Variants in MIP observed in about 807,000 individuals in gnomAD.
The protein encoded by MIP is major intrinsic protein of lens fiber, also known as lens fiber major intrinsic protein.
In MIP, 14 loss-of-function variants were observed where a neutral mutation model predicts 21.8. That is an observed-to-expected ratio of 0.64 (90% CI 0.42 to 1.00). MIP has a LOEUF of 1.00. Among genes scored for constraint, MIP ranks in the 50% least tolerant of loss-of-function variants. The probability of loss-of-function intolerance (pLI) is 0.00; values close to 1 mark genes in which losing one functional copy is unlikely to be tolerated. For synonymous variants in MIP, 133 were observed against 141.4 expected, an observed-to-expected ratio of 0.94 and a Z score of 0.42; for missense variants, 260 against 333.5, an observed-to-expected ratio of 0.78 and a Z score of 1.72.
Position 56,451,103 on chromosome 12 carries a change from CA to C in MIP, c.*176del. The stretch of plus-strand genomic sequence containing the variant: ...GTTTGCACCAACCAGCTCATGAATG[CA>C]ACTTGAAAGATTTCACACAGCAAAA... On this transcript the variant is annotated 3_prime_UTR_variant, in exon 4 of 4. Coordinates refer to ENST00000652304, the MANE Select transcript of MIP (RefSeq NM_012064.4). 3.3e-6 allele frequency: 2 copies of C among 603,872 alleles called. No individual in the cohort carries two copies. The highest frequency in any genetic ancestry group is 5.7e-6 in the Non-Finnish European group (2 of 352,570). The allele number at this position is 603,872 out of a possible 1,614,324, so 37.4% of individuals were successfully genotyped here.
At chr12:56,455,242 G>T (rs563412473), upstream of MIP, among the ~76,000 whole-genome samples, 4 of 152,204 alleles carry the variant, frequency 2.6e-5, no homozygotes, top group East Asian at 7.7e-4. Context: ...GTTCTGCTGC[G>T]TCTGGCTTTC....
intron 1 of MIP, 145 bp from the exon 2 acceptor site, chr12:56,453,900 G>A: frequency 1.2e-6 from 1 of 857,176 alleles, no homozygotes; most frequent in Non-Finnish European, 1.9e-6. Flanking sequence ...CATTGTATTT[G>A]CATCTTACCA....
chr12:56,452,831 G>A, intron 3 of MIP: 1 of 560,144 alleles, frequency 1.8e-6, no homozygotes, highest in South Asian at 2.0e-5. Flanking sequence ...AGCAACCAGT[G>A]AATACTCAGT....
intron 1 of MIP, 75 bp downstream of exon 1, chr12:56,454,179 C>A: frequency 6.2e-7 from 1 of 1,600,414 alleles, no homozygotes. Context: ...GCTGATTCAC[C>A]TGCACCAGTC....
At chr12:56,454,213 C>T (rs1267813590) in intron 1 of MIP, 41 bp downstream of exon 1, 5 of 1,613,660 alleles carry the variant, frequency 3.1e-6, no homozygotes, top group African/African-American at 1.3e-5. Context: ...AATAGAGAGA[C>T]AGGACACCAG....
intron 2 of MIP, 50 bp from the exon 3 acceptor site, chr12:56,453,202 T>C (rs1173565623): frequency 7.5e-7 from 1 of 1,339,082 alleles, no homozygotes; most frequent in Admixed American, 1.7e-5. Flanking sequence ...GCACCCCAGC[T>C]TCTCTCCCCA....
chr12:56,456,514 T>C (rs948328451), upstream of MIP, among the ~76,000 whole-genome samples: 4 of 151,828 alleles, frequency 2.6e-5, no homozygotes, highest in African/African-American at 9.7e-5. Context: ...GGTGGGTACC[T>C]GTAATCCCAG....
chr12:56,456,085 A>T (rs1868782642), upstream of MIP, among the ~76,000 whole-genome samples: 1 of 152,186 alleles, frequency 6.6e-6, no homozygotes, highest in African/African-American at 2.4e-5. Context: ...GAAACAGTCC[A>T]CTAGAAGTCA....
Position 56,449,619 on chromosome 12 carries a change from CCTT to C in MIP, c.*1658_*1660del, listed in dbSNP as rs1253950969. ...GAGGTGAATTTACAAACATTCTTCC[CCTT>C]CTTCTAGTCAAGCGGACTATTCCAA... On this transcript the variant is annotated 3_prime_UTR_variant, in exon 4 of 4. Coordinates refer to ENST00000652304, the MANE Select transcript of MIP (RefSeq NM_012064.4). The C allele has an allele frequency of 1.3e-5, 2 of 152,150 alleles. No homozygotes were observed. The highest frequency in any genetic ancestry group is 4.8e-5 in the African/African-American group (2 of 41,424). 9.4% of individuals were successfully genotyped at this position (152,150 alleles called of 1,614,324 possible).
chr12:56,453,127 T>G lies in MIP; in HGVS notation c.551A>C (p.Asn184Thr), dbSNP rs1438043707. Residue 184 changes from asparagine (N) to threonine (T), a missense_variant, in exon 3 of 4, where the codon AAT (asparagine) becomes ACT (threonine). Asn to Thr is a moderately conservative substitution (Grantham distance 65). Coordinates refer to ENST00000652304, the MANE Select transcript of MIP (RefSeq NM_012064.4). ...GGCAGGAGCAAAGGAGCGGGCAGGA[T>G]TCATGCCTGCACCAGTATAATACAT... ...FGMYYTGAGMNPARSFAPAIL... is the reference protein window; with the variant it reads ...FGMYYTGAGMTPARSFAPAIL... The G allele has an allele frequency of 6.2e-7, 1 of 1,613,410 alleles. No homozygotes were observed. Among genetic ancestry groups the G allele is most frequent in the Non-Finnish European group, 8.5e-7 (1 of 1,179,444 alleles).
At position 56,454,449 on chromosome 12, in the gene MIP, C is replaced by A. The variant is rs775138981; in HGVS notation, c.165G>T (p.Leu55=). 1 of 1,614,000 alleles carries A rather than the reference C, an allele frequency of 6.2e-7. No individual in the cohort carries two copies. Among genetic ancestry groups the A allele is most frequent in the South Asian group, 1.1e-5 (1 of 91,060 alleles). Residue 55 remains leucine, a synonymous_variant, in exon 1 of 4, where the codon CTG becomes CTT. Coordinates refer to ENST00000652304, the MANE Select transcript of MIP (RefSeq NM_012064.4). ...CACTGATGTGGCCCACAGACTGCAC[C>A]AGTGTAGCCAGGGCCAAGCCAAATG... ...AMAFGLALAT[L]VQSVGHISGA...
rs1342753071 is a variant in MIP, at chr12:56,453,156, C to T, written c.526-4G>A. ...TGCCTGCACCAGTATAATACATCTG[C>T]AAAAGAGACAGTTGTAACTGAGACA... On this transcript the variant is annotated splice_region_variant and splice_polypyrimidine_tract_variant and intron_variant, in intron 2 of 3. Transcript: ENST00000652304. 2 of 1,605,420 alleles carry T rather than the reference C, an allele frequency of 1.2e-6. No individual in the cohort carries two copies. The highest frequency in any genetic ancestry group is 1.7e-6 in the Non-Finnish European group (2 of 1,172,102).
Position 56,450,982 on chromosome 12 carries a change from A to T in MIP, c.*298T>A. The T allele has an allele frequency of 1.2e-5, 5 of 413,456 alleles. No homozygotes were observed. Among genetic ancestry groups the T allele is most frequent in the African/African-American group, 2.0e-5 (1 of 49,066 alleles). 25.6% of individuals were successfully genotyped at this position (413,456 alleles called of 1,614,324 possible). On this transcript the variant is annotated 3_prime_UTR_variant, in exon 4 of 4. Coordinates refer to ENST00000652304, the MANE Select transcript of MIP (RefSeq NM_012064.4). ...GGATGGCACCTCTTTTTGCTTCCTT[A>T]GCTCTCATGCCCCAAAACTCAGACA...
chr12:56,453,486 T>C, intron 2 of MIP, 105 bp downstream of exon 2: 1 of 1,283,580 alleles, frequency 7.8e-7, no homozygotes, highest in Non-Finnish European at 1.1e-6. Context: ...CAATGGACAA[T>C]GTTCATGTTT....
At position 56,451,415 on chromosome 12, in the gene MIP, G is replaced by A. The variant is rs375066526; in HGVS notation, c.657C>T (p.Tyr219=). 98 of 1,614,158 alleles carry A rather than the reference G, an allele frequency of 6.1e-5. No individual in the cohort carries two copies. The highest frequency in any genetic ancestry group is 7.7e-5 in the Non-Finnish European group (91 of 1,180,018). Residue 219 remains tyrosine, a synonymous_variant, in exon 4 of 4, where the codon TAC becomes TAT. Transcript: ENST00000652304. ...TGAGCCGGGGGAAGAGAAGAAAGTCGTACAGGAGGCTGCCCAGACCCCCTC... is the reference window on the plus strand; with the variant it reads ...TGAGCCGGGGGAAGAGAAGAAAGTCATACAGGAGGCTGCCCAGACCCCCTC... The part of the protein sequence containing the change: ...IIGGGLGSLL[Y]DFLLFPRLKS...
Position 56,454,296 on chromosome 12 carries a change from G to C in MIP, c.318C>G (p.Ser106Arg). ...TTCCTCGGACAGCAGGTGGGGTAAC[G>C]CTATACAGCACAGCGGCCCCAGCCA... ...GAVAGAAVLY[S>R]VTPPAVRGNL... The change falls in exon 1 of 4, where the codon AGC becomes AGG. Residue 106 changes from serine to arginine, a missense_variant. Physicochemically the swap from Ser to Arg is moderately radical, Grantham distance 110 (BLOSUM62 -1). Coordinates refer to ENST00000652304, the MANE Select transcript of MIP (RefSeq NM_012064.4). The C allele has an allele frequency of 6.2e-7, 1 of 1,614,076 alleles. No individual in the cohort carries two copies. The highest frequency in any genetic ancestry group is 1.1e-5 in the South Asian group (1 of 91,084).
At chr12:56,452,928 T>C in intron 3 of MIP, 144 bp downstream of exon 3, 1 of 725,170 alleles carries the variant, frequency 1.4e-6, no homozygotes, top group Non-Finnish European at 2.5e-6. Context: ...CACACAGGCA[T>C]GCCAAACTCT....
chr12:56,454,075 A>G (rs571509549), intron 1 of MIP, among the ~76,000 whole-genome samples, 179 bp downstream of exon 1: 1 of 152,170 alleles, frequency 6.6e-6, no homozygotes, highest in East Asian at 1.9e-4. Context: ...CCAGGGCCCT[A>G]TGCCTTCCTT....
Position 56,453,746 on chromosome 12 carries a change from C to A in MIP, c.370G>T (p.Ala124Ser). 9 of 1,613,552 alleles carry A rather than the reference C, an allele frequency of 5.6e-6. No individual in the cohort carries two copies. Among genetic ancestry groups the A allele is most frequent in the Non-Finnish European group, 7.6e-6 (9 of 1,179,818 alleles). Reference sequence around the variant, plus strand: ...GTGGTTGCCTGGCCCACGCTCACCGCAGGGTGCAACTGTGCAAAGGAAGAA... The same window carrying A: ...GTGGTTGCCTGGCCCACGCTCACCGAAGGGTGCAACTGTGCAAAGGAAGAA... ...GNLALNTLHP[A>S]VSVGQATTVE... Residue 124 changes from alanine (A) to serine (S), a missense_variant, in exon 2 of 4, where the codon GCG becomes TCG. Ala to Ser is a moderately conservative substitution (Grantham distance 99, BLOSUM62 1). Coordinates refer to ENST00000652304, the MANE Select transcript of MIP (RefSeq NM_012064.4).
Sources: gnomAD v4.1 joint callset for allele counts (sites outside exome capture counted in the v4.1 genomes callset) on GRCh38, gnomAD v4.1.1 for gene constraint, MANE v1.5 for transcripts, NCBI Gene and HGNC (gene_info 2026-07-23, HGNC 2026-07-21) for gene names.